Variants in PGD observed in about 807,000 individuals in gnomAD.
The protein encoded by PGD is phosphogluconate dehydrogenase.
In PGD, 21 loss-of-function variants were observed where a neutral mutation model predicts 60.4. The observed-to-expected ratio is 0.35, with a 90% CI of 0.25 to 0.50. The LOEUF (loss-of-function observed/expected upper bound fraction) is 0.50. Ranked by LOEUF, PGD falls within the 20% of genes least tolerant of loss-of-function variation. PGD has a pLI of 0.98. For missense variants in PGD, 477 were observed against 613.1 expected (o/e 0.78, Z 2.34); for synonymous variants, 230 against 235.9 (o/e 0.97, Z 0.23).
chr1:10,406,081 CTGATCTCG>C (rs941964523), intron 5 of PGD, among the ~76,000 whole-genome samples: 26 of 152,132 alleles, frequency 1.7e-4, no homozygotes, highest in African/African-American at 4.1e-4. Context: ...TCTTGATCCC[CTGATCTCG>C]TGATCTGCCT....
chr1:10,415,293 G>T (rs1359406336), intron 8 of PGD: 1 of 152,242 alleles, frequency 6.6e-6, no homozygotes, highest in East Asian at 1.9e-4. Flanking sequence ...CTGTATAGAA[G>T]GAAGTTGGCT....
At chr1:10,407,546 C>T (rs1639428617) in intron 5 of PGD, among the ~76,000 whole-genome samples, 1 of 152,202 alleles carries the variant, frequency 6.6e-6, no homozygotes, top group Admixed American at 6.5e-5. Flanking sequence ...GAGGGCCCAC[C>T]AGGACCTGGA....
chr1:10,419,743 T>A lies in PGD; in HGVS notation c.1446T>A (p.Asn482Lys). The A allele has an allele frequency of 6.2e-7, 1 of 1,614,208 alleles. No individual in the cohort carries two copies. Among genetic ancestry groups the A allele is most frequent in the Non-Finnish European group, 8.5e-7 (1 of 1,180,028 alleles). Residue 482 changes from asparagine (N) to lysine (K), a missense_variant, in exon 13 of 13, where the codon AAT (asparagine) becomes AAA (lysine). Around this residue, in one of 3 missense-constraint regions of PGD, gnomAD observed 44 missense variants for 40.3 expected, o/e 1.09. Transcript: ENST00000270776. ...HGGTVSSSSY[N>K]A ...GCACCGTGTCATCCTCGTCATACAA[T>A]GCCTGATCATGCTGCTCCTGTCACC... is the stretch of plus-strand genomic sequence containing the variant.
chr1:10,418,722 C>A (rs1215685730), intron 10 of PGD, 104 bp from the exon 11 acceptor site: 5 of 647,052 alleles, frequency 7.7e-6, no homozygotes, highest in Non-Finnish European at 1.4e-5. Context: ...TTGCTGTGAG[C>A]TGAGATCGTG....
At chr1:10,403,706 T>C (rs952471948) in intron 4 of PGD, among the ~76,000 whole-genome samples, 4 of 151,934 alleles carry the variant, frequency 2.6e-5, no homozygotes, top group Admixed American at 6.6e-5. Flanking sequence ...ACTCCTCCCC[T>C]TCCCCTTCCA....
At position 10,404,262 on chromosome 1, in the gene PGD, A is replaced by G. The variant is rs747617115; in HGVS notation, c.432A>G (p.Gly144=). The stretch of plus-strand genomic sequence containing the variant: ...GGTATGGCCCATCGCTCATGCCAGG[A>G]GGGAACAAAGAAGCGTGGTGAGTGC... ...GARYGPSLMP[G]GNKEAWPHIK... The change falls in exon 5 of 13, where the codon GGA becomes GGG. Residue 144 remains glycine, a synonymous_variant. Transcript: ENST00000270776. The G allele has an allele frequency of 6.2e-7, 1 of 1,610,254 alleles. No individual in the cohort carries two copies. Among genetic ancestry groups the G allele is most frequent in the South Asian group, 1.1e-5 (1 of 90,814 alleles).
intron 1 of PGD, 59 bp from the exon 2 acceptor site, chr1:10,399,569 TG>T: frequency 6.8e-7 from 1 of 1,463,718 alleles, no homozygotes; most frequent in Non-Finnish European, 9.5e-7. Flanking sequence ...ACCGGACCCC[TG>T]GGTTGCAGCG....
chr1:10,412,463 C>A (rs890344929), intron 7 of PGD, among the ~76,000 whole-genome samples: 2 of 152,158 alleles, frequency 1.3e-5, no homozygotes, highest in African/African-American at 4.8e-5. Flanking sequence ...GTTTGTTTCA[C>A]TGGATTGCTG....
chr1:10,404,829 G>A lies in PGD; in HGVS notation c.449+550G>A, dbSNP rs564564687. ...AATAGGCTTTAAGGAAGCAGTTTAG[G>A]TAATGTTCTGTGCAATGTCTGGATG... On this transcript the variant is annotated intron_variant, in intron 5 of 12. Coordinates refer to ENST00000270776, the MANE Select transcript of PGD (RefSeq NM_002631.4). Among the ~76,000 whole-genome samples the A allele has an allele frequency of 7.9e-5, 12 of 152,278 alleles. No homozygotes were observed. In the South Asian group the frequency reaches 1.7e-3, roughly 21 times the overall value.
At chr1:10,418,959 T>A in intron 11 of PGD, 34 bp downstream of exon 11, 4 of 1,162,060 alleles carry the variant, frequency 3.4e-6, no homozygotes, top group Non-Finnish European at 5.2e-6. Context: ...ATGGTTACTC[T>A]ACCTCCCTGG....
intron 10 of PGD, 68 bp downstream of exon 10, chr1:10,417,577 G>A (rs1639618973): frequency 6.6e-7 from 1 of 1,509,542 alleles, no homozygotes; most frequent in African/African-American, 1.4e-5. Flanking sequence ...GCGATCTTAG[G>A]ACACTTAGCT....
At chr1:10,406,860 C>T (rs936670489) in intron 5 of PGD, among the ~76,000 whole-genome samples, 2 of 152,188 alleles carry the variant, frequency 1.3e-5, no homozygotes, top group African/African-American at 2.4e-5. Context: ...CATTCTGTGC[C>T]TGGCAGCACA....
intron 6 of PGD, among the ~76,000 whole-genome samples, chr1:10,409,143 A>G (rs1490467195): frequency 6.6e-6 from 1 of 152,176 alleles, no homozygotes; most frequent in Non-Finnish European, 1.5e-5. Flanking sequence ...CTTTAATTTT[A>G]TATCAGCAAT....
Position 10,399,121 on chromosome 1 carries a change from G to A in PGD, c.4G>A (p.Ala2Thr), listed in dbSNP as rs748298487. 16 of 1,609,524 alleles carry A rather than the reference G, an allele frequency of 9.9e-6. No individual in the cohort carries two copies. Among genetic ancestry groups the A allele is most frequent in the Non-Finnish European group, 1.2e-5 (14 of 1,179,656 alleles). Reference protein sequence around the residue: MAQADIALIGLA... With the variant: MTQADIALIGLA... Reference sequence around the variant, plus strand: ...CGGTTCTGCTCTGTCCGCCGCCATGGCCCAGTGAGTGACTCGCCAGGGGCA... The same window carrying A: ...CGGTTCTGCTCTGTCCGCCGCCATGACCCAGTGAGTGACTCGCCAGGGGCA... Residue 2 changes from alanine to threonine, a missense_variant, in exon 1 of 13, where the codon GCC becomes ACC. Transcript: ENST00000270776.
At chr1:10,411,240 A>G (rs1639493870) in intron 6 of PGD, among the ~76,000 whole-genome samples, 178 bp from the exon 7 acceptor site, 1 of 152,184 alleles carries the variant, frequency 6.6e-6, no homozygotes, top group African/African-American at 2.4e-5. Flanking sequence ...ACTGGACTGA[A>G]GCTTGCTTTG....
intron 7 of PGD, 77 bp from the exon 8 acceptor site, chr1:10,412,985 C>T: frequency 8.8e-6 from 11 of 1,251,354 alleles, no homozygotes; most frequent in Non-Finnish European, 1.2e-5. Flanking sequence ...CATTGGTCAG[C>T]GTGGACATTG....
intron 3 of PGD, among the ~76,000 whole-genome samples, chr1:10,402,791 G>A (rs1162000982): frequency 6.6e-6 from 1 of 151,932 alleles, no homozygotes; most frequent in East Asian, 1.9e-4. Flanking sequence ...CCAAAGTGCT[G>A]GGATAACAGG....
Position 10,411,484 on chromosome 1 carries a change from C to G in PGD, c.586C>G (p.Gln196Glu), listed in dbSNP as rs780826761. Residue 196 changes from glutamine (Q) to glutamate (E), a missense_variant, in exon 7 of 13, where the codon CAG becomes GAG. This residue lies in a region of PGD where 431 missense variants were observed against 556.6 expected (regional missense o/e 0.77). Transcript: ENST00000270776. Reference sequence around the variant, plus strand: ...CAACGGGATAGAGTATGGGGACATGCAGCTGATCTGTGAGGCATACCACCT... The same window carrying G: ...CAACGGGATAGAGTATGGGGACATGGAGCTGATCTGTGAGGCATACCACCT... Reference protein sequence around the residue: ...VHNGIEYGDMQLICEAYHLMK... With the variant: ...VHNGIEYGDMELICEAYHLMK... The G allele has an allele frequency of 3.1e-6, 5 of 1,614,080 alleles. No individual in the cohort carries two copies. Among genetic ancestry groups the G allele is most frequent in the Non-Finnish European group, 4.2e-6 (5 of 1,179,998 alleles).
At chr1:10,410,907 T>C (rs1639488462) in intron 6 of PGD, among the ~76,000 whole-genome samples, 1 of 151,910 alleles carries the variant, frequency 6.6e-6, no homozygotes, top group Non-Finnish European at 1.5e-5. Context: ...TTTCTGGGCT[T>C]ACAAGGTTGA....
Sources: gnomAD v4.1 joint callset for allele counts (sites outside exome capture counted in the v4.1 genomes callset) on GRCh38, gnomAD v4.1.1 for gene constraint, gnomAD v4.1.1 regional missense constraint, MANE v1.5 for transcripts, NCBI Gene and HGNC (gene_info 2026-07-23, HGNC 2026-07-21) for gene names.